The following TNRC18 variants were observed in gnomAD, a reference collection of about 807,000 sequenced individuals.
TNRC18 encodes trinucleotide repeat containing 18.
A neutral mutation model predicts 226.7 loss-of-function variants in TNRC18; 69 were observed. The observed-to-expected ratio is 0.30, with a 90% CI of 0.25 to 0.37. TNRC18 has a LOEUF of 0.37. Ranked by LOEUF, TNRC18 falls within the 10% of genes least tolerant of loss-of-function variation. TNRC18 has a pLI of 1.00. For missense variants in TNRC18, 4,754 were observed against 4,256.6 expected, an observed-to-expected ratio of 1.12 and a Z score of -3.25; for synonymous variants, 2,449 against 1,927.6, an observed-to-expected ratio of 1.27 and a Z score of -7.09.
chr7:5,393,532 C>T (rs930621220), intron 3 of TNRC18, among the ~76,000 whole-genome samples: 2 of 152,098 alleles, frequency 1.3e-5, no homozygotes, highest in African/African-American at 4.8e-5. Context: ...TGGGGAGGGC[C>T]GGAAGAGCCC....
chr7:5,349,890 G>T (rs1791601786), intron 17 of TNRC18, among the ~76,000 whole-genome samples: 2 of 152,146 alleles, frequency 1.3e-5, no homozygotes, highest in Non-Finnish European at 2.9e-5. Flanking sequence ...ACTGGCGGGG[G>T]TGGAGGGGGG....
chr7:5,413,962 G>GT (rs1233780112), intron 2 of TNRC18, among the ~76,000 whole-genome samples: 7 of 151,842 alleles, frequency 4.6e-5, no homozygotes, highest in East Asian at 1.9e-4. Context: ...TGTCTTATTT[G>GT]TTTTTTTTGA....
intron 16 of TNRC18, 50 bp downstream of exon 16, chr7:5,356,865 AG>A (rs1446791442): frequency 6.8e-7 from 1 of 1,460,940 alleles, no homozygotes; most frequent in Non-Finnish European, 9.1e-7. Context: ...AGAAGAGGGG[AG>A]AAAAGGAGAG....
intron 17 of TNRC18, among the ~76,000 whole-genome samples, chr7:5,349,898 G>A (rs552369921): frequency 1.3e-5 from 2 of 152,130 alleles, no homozygotes; most frequent in Non-Finnish European, 1.5e-5. Context: ...GGGTGGAGGG[G>A]GGCACTGAGG....
chr7:5,411,215 CAAAAAAAA>C (rs35392221), intron 2 of TNRC18, among the ~76,000 whole-genome samples: 3 of 75,994 alleles, frequency 3.9e-5, no homozygotes, highest in African/African-American at 1.1e-4. Context: ...GACTCCATCT[CAAAAAAAA>C]AAAAAAAAAA....
chr7:5,348,371 G>C (rs1261510819), intron 17 of TNRC18, among the ~76,000 whole-genome samples: 2 of 152,322 alleles, frequency 1.3e-5, no homozygotes, highest in East Asian at 1.9e-4. Flanking sequence ...CCAGCAAGAA[G>C]AGGTGGACAC....
intron 14 of TNRC18, among the ~76,000 whole-genome samples, chr7:5,359,827 T>TCA (rs35120436): frequency 0.054 from 8,174 of 151,384 alleles, 229 homozygotes; most frequent in Admixed American, 0.084. Flanking sequence ...ACGCGTACAC[T>TCA]CACACACACA....
At chr7:5,416,630 C>G (rs1006310739) in intron 2 of TNRC18, among the ~76,000 whole-genome samples, 3 of 148,310 alleles carry the variant, frequency 2.0e-5, no homozygotes, top group Non-Finnish European at 4.5e-5. Context: ...CCAAGGCAGG[C>G]GGATCACTTG....
intron 5 of TNRC18, among the ~76,000 whole-genome samples, chr7:5,385,089 G>C (rs1057487765): frequency 6.6e-6 from 1 of 152,240 alleles, no homozygotes; most frequent in South Asian, 2.1e-4. Flanking sequence ...AGGCACAGAG[G>C]ATGGGGAGAC....
chr7:5,362,772 C>T lies in TNRC18; in HGVS notation c.4273G>A (p.Gly1425Ser). 1 of 1,571,194 alleles carries T rather than the reference C, an allele frequency of 6.4e-7. No homozygotes were observed. Among genetic ancestry groups the T allele is most frequent in the South Asian group, 1.2e-5 (1 of 85,438 alleles). ...RPSLESLLAA[G>S]SHMLREVLDG... ...AGCACCTCCCTCAGCATGTGGCTGC[C>T]AGCTGCCAGCAGACTCTCCAGGGAG... The change falls in exon 12 of 30, where the codon GGC becomes AGC. Residue 1425 changes from glycine (G) to serine (S), a missense_variant. By Grantham distance (56) the Gly-to-Ser change is moderately conservative. Transcript: ENST00000430969.
intron 21 of TNRC18, 57 bp from the exon 22 acceptor site, chr7:5,321,247 C>G: frequency 7.8e-7 from 1 of 1,284,250 alleles, no homozygotes; most frequent in South Asian, 1.3e-5. Flanking sequence ...CGACACCTCT[C>G]CCTCCTCCCG....
chr7:5,357,956 G>C (rs1792621303), intron 15 of TNRC18, among the ~76,000 whole-genome samples: 1 of 152,188 alleles, frequency 6.6e-6, no homozygotes, highest in African/African-American at 2.4e-5. Context: ...GGCTTTCCGT[G>C]GCACTGCTTG....
intron 2 of TNRC18, among the ~76,000 whole-genome samples, chr7:5,396,709 T>G (rs571429485): frequency 6.6e-6 from 1 of 152,184 alleles, no homozygotes; most frequent in Admixed American, 6.5e-5. Flanking sequence ...GTGTGTACCC[T>G]AGAGCTACCT....
chr7:5,362,112 CCT>C (rs1316701428), intron 12 of TNRC18, 79 bp from the exon 13 acceptor site: 8 of 1,543,520 alleles, frequency 5.2e-6, no homozygotes, highest in South Asian at 2.4e-5. Context: ...CAGGGGTGCC[CCT>C]GAGGAAGGGG....
chr7:5,411,171 G>A (rs974974151), intron 2 of TNRC18, among the ~76,000 whole-genome samples: 3 of 144,990 alleles, frequency 2.1e-5, no homozygotes, highest in Non-Finnish European at 3.0e-5. Flanking sequence ...AGCTGAGATC[G>A]TGCCACTGCA....
chr7:5,316,190 G>A, intron 24 of TNRC18, 118 bp from the exon 25 acceptor site: 3 of 665,024 alleles, frequency 4.5e-6, no homozygotes, highest in Non-Finnish European at 7.5e-6. Flanking sequence ...TGGTACAGCA[G>A]TGGGGACATG....
At chr7:5,375,288 G>C (rs530868365) in intron 9 of TNRC18, among the ~76,000 whole-genome samples, 1 of 151,972 alleles carries the variant, frequency 6.6e-6, no homozygotes, top group South Asian at 2.1e-4. Context: ...CAGCCTGGGC[G>C]ACAGAGCAAG....
chr7:5,421,786 C>G (rs1206178530), intron 1 of TNRC18, among the ~76,000 whole-genome samples: 1 of 152,214 alleles, frequency 6.6e-6, no homozygotes, highest in Non-Finnish European at 1.5e-5. Flanking sequence ...CTCCCGAAAC[C>G]GGGGAGGGCT....
intron 8 of TNRC18, 150 bp downstream of exon 8, chr7:5,376,697 G>T: frequency 2.2e-6 from 2 of 918,280 alleles, no homozygotes; most frequent in Non-Finnish European, 3.3e-6. Context: ...TACAACACTG[G>T]CAACAGATGT....
Sources: gnomAD v4.1 joint callset for allele counts (sites outside exome capture counted in the v4.1 genomes callset) on GRCh38, gnomAD v4.1.1 for gene constraint, MANE v1.5 for transcripts, NCBI Gene and HGNC (gene_info 2026-07-23, HGNC 2026-07-21) for gene names.